The following PLAC9 variants were observed in gnomAD, a reference collection of about 807,000 sequenced individuals.
PLAC9 encodes the protein placenta-specific protein 9.
Under a neutral mutation model 11.5 loss-of-function variants are expected in PLAC9, and 12 were observed. That is an observed-to-expected ratio of 1.05 (90% CI 0.67 to 1.69). The LOEUF (loss-of-function observed/expected upper bound fraction) is 1.69. Ranked by LOEUF, PLAC9 falls within the 40% of genes most tolerant of loss-of-function variation. The pLI is 0.00. For missense variants in PLAC9, 132 were observed against 130.5 expected (o/e 1.01, Z -0.06); for synonymous variants, 62 against 58.1 (o/e 1.07, Z -0.31).
chr10:80,142,306 C>T (rs539334368), intron 2 of PLAC9, 127 bp downstream of exon 2: 24 of 691,560 alleles, frequency 3.5e-5, no homozygotes, highest in Non-Finnish European at 4.4e-5. Flanking sequence ...GTGGCCACCT[C>T]GTCCAACATC....
chr10:80,141,958 C>A, intron 1 of PLAC9, 124 bp from the exon 2 acceptor site: 2 of 566,902 alleles, frequency 3.5e-6, no homozygotes, highest in African/African-American at 1.9e-5. Context: ...CCCACCTGGG[C>A]CGTCCTCCGC....
upstream of PLAC9, chr10:80,131,828 C>T (rs1844916716): frequency 6.6e-6 from 1 of 152,262 alleles, no homozygotes; most frequent in Non-Finnish European, 1.5e-5. Flanking sequence ...TGCAAGAGCT[C>T]CAGGTAATCC....
intron 2 of PLAC9, among the ~76,000 whole-genome samples, chr10:80,143,369 G>GT (rs2132338616): frequency 8.0e-6 from 1 of 125,780 alleles, no homozygotes; most frequent in African/African-American, 3.1e-5. Flanking sequence ...GGGCCAAAAA[G>GT]TTTAATTTTA....
At position 80,142,160 on chromosome 10, in the gene PLAC9, G is replaced by A. The variant is rs200468028; in HGVS notation, c.143G>A (p.Arg48His). 7.7e-5 allele frequency: 123 copies of A among 1,606,828 alleles called. 1 individual carries two copies. In the East Asian group the frequency reaches 1.7e-3, roughly 23 times the overall value. The change falls in exon 2 of 4, where the codon CGT becomes CAT. Residue 48 changes from arginine to histidine, a missense_variant. Physicochemically the swap from Arg to His is conservative, Grantham distance 29 (BLOSUM62 0). Coordinates refer to ENST00000372263, the MANE Select transcript of PLAC9 (RefSeq NM_001012973.3). Reference sequence around the variant, plus strand: ...GACAGACACATGGCTGTGCAACGCCGTCTAGATGTCATGGAGGAGGTAACA... The same window carrying A: ...GACAGACACATGGCTGTGCAACGCCATCTAGATGTCATGGAGGAGGTAACA... ...ACDRHMAVQR[R>H]LDVMEEMVEK...
chr10:80,144,434 G>A, intron 3 of PLAC9, 91 bp downstream of exon 3: 1 of 1,437,492 alleles, frequency 7.0e-7, no homozygotes, highest in Non-Finnish European at 9.1e-7. Flanking sequence ...CACTGCACAG[G>A]TGTAGCCTGG....
At chr10:80,142,060 G>A (rs1484880233) in intron 1 of PLAC9, 22 bp from the exon 2 acceptor site, 4 of 1,596,700 alleles carry the variant, frequency 2.5e-6, no homozygotes, top group Non-Finnish European at 3.4e-6. Flanking sequence ...GTCCCACAGT[G>A]ACAAGACTTG....
At chr10:80,132,901 G>T in intron 1 of PLAC9, 75 bp downstream of exon 1, 1 of 1,249,392 alleles carries the variant, frequency 8.0e-7, no homozygotes, top group South Asian at 1.5e-5. Context: ...GAATGAGCGA[G>T]AGAGACGGAG....
rs775060422 is a variant in PLAC9, at chr10:80,142,104, G to T, written c.87G>T (p.Pro29=). 2.5e-6 allele frequency: 4 copies of T among 1,610,576 alleles called. No homozygotes were observed. The highest frequency in any genetic ancestry group is 1.3e-5 in the African/African-American group (1 of 74,990). The change falls in exon 2 of 4, where the codon CCG becomes CCT. Residue 29 remains proline (P), a synonymous_variant. Coordinates refer to ENST00000372263, the MANE Select transcript of PLAC9 (RefSeq NM_001012973.3). Reference sequence around the variant, plus strand: ...CAGCTGCCGAACCCTTCAGCCCTCCGCGAGGAGACTCAGCTCAGAGCACAG... The same window carrying T: ...CAGCTGCCGAACCCTTCAGCCCTCCTCGAGGAGACTCAGCTCAGAGCACAG... ...SLAAAEPFSP[P]RGDSAQSTAC... is the part of the protein sequence containing the mutation.
intron 3 of PLAC9, 92 bp downstream of exon 3, chr10:80,144,435 T>C (rs1845077416): frequency 7.0e-7 from 1 of 1,434,098 alleles, no homozygotes; most frequent in Non-Finnish European, 9.2e-7. Flanking sequence ...ACTGCACAGG[T>C]GTAGCCTGGC....
intron 1 of PLAC9, among the ~76,000 whole-genome samples, chr10:80,138,633 G>C (rs995125515): frequency 6.6e-6 from 1 of 152,190 alleles, no homozygotes; most frequent in Admixed American, 6.5e-5. Flanking sequence ...GCTGAGATGA[G>C]AACAGGAGGT....
chr10:80,144,320 G>T lies in PLAC9; in HGVS notation c.260G>T (p.Ser87Ile). The change falls in exon 3 of 4, where the codon AGC becomes ATC. Residue 87 changes from serine to isoleucine, a missense_variant. By Grantham distance (142) the Ser-to-Ile change is moderately radical (BLOSUM62 -2). Coordinates refer to ENST00000372263, the MANE Select transcript of PLAC9 (RefSeq NM_001012973.3). ...LAWNLPPGPFSPAPDLLGDGF is the reference protein window; with the variant it reads ...LAWNLPPGPFIPAPDLLGDGF ...TGGAACCTGCCCCCGGGACCCTTCA[G>T]CCCCGCTCCCGACCTTCTCGGAGGT... 1 of 1,609,744 alleles carries T rather than the reference G, an allele frequency of 6.2e-7. No individual in the cohort carries two copies.
intron 1 of PLAC9, among the ~76,000 whole-genome samples, chr10:80,139,836 C>G (rs966882185): frequency 9.2e-5 from 14 of 151,920 alleles, no homozygotes; most frequent in African/African-American, 3.4e-4. Context: ...GCGACCCTCC[C>G]ACTCGGCCTC....
chr10:80,134,990 C>A (rs2132332437), intron 1 of PLAC9, among the ~76,000 whole-genome samples: 1 of 148,104 alleles, frequency 6.8e-6, no homozygotes, highest in South Asian at 2.2e-4. Flanking sequence ...GCACGTCCAA[C>A]TTCCAACCTT....
rs182519792 is a variant in PLAC9, at chr10:80,144,579, C to T, written c.283+236C>T. Among the ~76,000 whole-genome samples, 1,376 of 151,924 alleles carry T rather than the reference C, an allele frequency of 9.1e-3. 25 individuals are homozygous for T. The highest frequency in any genetic ancestry group is 0.032 in the African/African-American group (1,309 of 41,444). ...CAAATGAGGTTCTGGAAGAGCCGGC[C>T]CTAGATGCCATCTCAGCACAACCCC... On this transcript the variant is annotated intron_variant, in intron 3 of 3. Transcript: ENST00000372263.
chr10:80,141,976 T>G, intron 1 of PLAC9, 106 bp from the exon 2 acceptor site: 54 of 778,474 alleles, frequency 6.9e-5, no homozygotes, highest in Non-Finnish European at 1.0e-4. Context: ...CGCTTGCTCC[T>G]GAGTTTGCTT....
intron 1 of PLAC9, among the ~76,000 whole-genome samples, chr10:80,134,433 T>A (rs1288923674): frequency 6.6e-6 from 1 of 152,134 alleles, no homozygotes; most frequent in South Asian, 2.1e-4. Flanking sequence ...CTGACTAATT[T>A]TGGTATTTTT....
intron 2 of PLAC9, among the ~76,000 whole-genome samples, chr10:80,143,079 A>G (rs1220519762): frequency 6.6e-6 from 1 of 151,302 alleles, no homozygotes; most frequent in East Asian, 1.9e-4. Context: ...TTGCCCTGTC[A>G]CCCAGGCTGG....
intron 1 of PLAC9, among the ~76,000 whole-genome samples, chr10:80,141,679 C>T (rs1480031459): frequency 6.6e-6 from 1 of 152,166 alleles, no homozygotes; most frequent in African/African-American, 2.4e-5. Context: ...AGCTCTGCCC[C>T]CTTGGCTTCA....
At chr10:80,138,772 G>A (rs1845005860) in intron 1 of PLAC9, among the ~76,000 whole-genome samples, 1 of 152,110 alleles carries the variant, frequency 6.6e-6, no homozygotes, top group Admixed American at 6.5e-5. Flanking sequence ...GACAACTGCA[G>A]ATGGCCCCTT....
Sources: gnomAD v4.1 joint callset for allele counts (sites outside exome capture counted in the v4.1 genomes callset) on GRCh38, gnomAD v4.1.1 for gene constraint, MANE v1.5 for transcripts, NCBI Gene and HGNC (gene_info 2026-07-23, HGNC 2026-07-21) for gene names.